Variants in SLC39A10 observed in about 807,000 individuals in gnomAD.
SLC39A10 encodes the protein solute carrier family 39 member 10, also known as zinc transporter ZIP10.
A neutral mutation model predicts 65.1 loss-of-function variants in SLC39A10; 13 were observed. The observed-to-expected ratio is 0.20, with a 90% CI of 0.13 to 0.32. SLC39A10 has a LOEUF of 0.32. SLC39A10 is among the 10% of genes least tolerant of loss of function. The pLI is 1.00. For missense variants in SLC39A10, 831 were observed against 1,018.4 expected (o/e 0.82, Z 2.50); for synonymous variants, 321 against 342.2 (o/e 0.94, Z 0.68).
chr2:195,653,120 A>G (rs1233273891), upstream of SLC39A10, among the ~76,000 whole-genome samples: 1 of 152,198 alleles, frequency 6.6e-6, no homozygotes, highest in Non-Finnish European at 1.5e-5. Flanking sequence ...GTTTCCCACA[A>G]GAGACAGTTT....
intron 1 of SLC39A10, among the ~76,000 whole-genome samples, chr2:195,662,446 A>G (rs1689444951): frequency 6.7e-6 from 1 of 149,242 alleles, no homozygotes; most frequent in Non-Finnish European, 1.5e-5. Flanking sequence ...AATGTTTTGT[A>G]TTTTTTATTG....
chr2:195,626,398 C>T (rs1235225235), intron 2 of SLC39A10, among the ~76,000 whole-genome samples: 3 of 152,190 alleles, frequency 2.0e-5, no homozygotes, highest in Admixed American at 2.0e-4. Context: ...CAGACCCTGA[C>T]AGCAATGAAT....
chr2:195,664,855 A>G (rs970441785), intron 1 of SLC39A10, among the ~76,000 whole-genome samples: 1 of 152,218 alleles, frequency 6.6e-6, no homozygotes, highest in Non-Finnish European at 1.5e-5. Flanking sequence ...ATAATAGCAC[A>G]AATTGGAATT....
At chr2:195,630,998 G>C (rs1188817754) in intron 2 of SLC39A10, among the ~76,000 whole-genome samples, 2 of 152,134 alleles carry the variant, frequency 1.3e-5, no homozygotes, top group Admixed American at 6.5e-5. Flanking sequence ...AGACCAGCCT[G>C]GCCAACAGGG....
chr2:195,726,474 G>A (rs1039745459), intron 8 of SLC39A10, among the ~76,000 whole-genome samples: 5 of 152,030 alleles, frequency 3.3e-5, no homozygotes, highest in East Asian at 1.9e-4. Context: ...GAAAATTAAC[G>A]AAACTCCAGG....
intron 1 of SLC39A10, among the ~76,000 whole-genome samples, chr2:195,662,374 T>A (rs1689442715): frequency 6.6e-6 from 1 of 151,774 alleles, no homozygotes; most frequent in Non-Finnish European, 1.5e-5. Context: ...GCTTGGGTCA[T>A]CCCCTTACCT....
In SLC39A10 at chr2:195,617,253, T is replaced by C. The variant is rs78117516; in HGVS notation, c.-12+11020T>C. Among the ~76,000 whole-genome samples the C allele has an allele frequency of 2.9e-3, 446 of 152,276 alleles. 23 individuals are homozygous for C. In the East Asian group the frequency reaches 0.081, roughly 27 times the overall value. On this transcript the variant is annotated intron_variant, in intron 2 of 2. Transcript: ENST00000458054. ...GCCCATTTGCTGTCCAAATATCTTT[T>C]TAAAAATTATTTTTTAAAAGTTAAC...
chr2:195,725,985 C>G (rs1692223236), intron 8 of SLC39A10, among the ~76,000 whole-genome samples: 1 of 152,110 alleles, frequency 6.6e-6, no homozygotes, highest in South Asian at 2.1e-4. Flanking sequence ...TGAAAAAGTT[C>G]TAGAGTTTAA....
intron 3 of SLC39A10, among the ~76,000 whole-genome samples, chr2:195,686,114 A>T (rs1690513937): frequency 6.6e-6 from 1 of 152,202 alleles, no homozygotes. Flanking sequence ...GAGCAAAATG[A>T]TGTATATGAA....
chr2:195,703,143 CT>C (rs1377418032), intron 3 of SLC39A10, among the ~76,000 whole-genome samples: 6 of 152,148 alleles, frequency 3.9e-5, no homozygotes, highest in African/African-American at 1.4e-4. Flanking sequence ...GAAATACCCC[CT>C]ATCTCATAGA....
At chr2:195,615,942 A>C (rs1688197540) in intron 2 of SLC39A10, among the ~76,000 whole-genome samples, 1 of 152,210 alleles carries the variant, frequency 6.6e-6, no homozygotes, top group African/African-American at 2.4e-5. Flanking sequence ...TAAACTACCT[A>C]AAGGCAGAGA....
At chr2:195,613,908 A>G (rs1688151819) in intron 2 of SLC39A10, among the ~76,000 whole-genome samples, 1 of 152,180 alleles carries the variant, frequency 6.6e-6, no homozygotes, top group South Asian at 2.1e-4. Flanking sequence ...CTTATTAGCA[A>G]TGTGGAGAAA....
intron 2 of SLC39A10, among the ~76,000 whole-genome samples, chr2:195,627,755 A>G (rs560819478): frequency 1.3e-4 from 20 of 152,346 alleles, no homozygotes; most frequent in African/African-American, 4.8e-4. Context: ...TTGTATACTG[A>G]ATGGCCAGGA....
At chr2:195,724,514 T>A (rs988875360) in intron 8 of SLC39A10, among the ~76,000 whole-genome samples, 3 of 152,190 alleles carry the variant, frequency 2.0e-5, no homozygotes, top group African/African-American at 4.8e-5. Context: ...AAGATAAGTA[T>A]ACAAAAATCA....
chr2:195,728,319 C>A lies in SLC39A10; in HGVS notation c.2307C>A (p.Gly769=), dbSNP rs201310685. The change falls in exon 9 of 10, where the codon GGC becomes GGA. Residue 769 remains glycine (G), a synonymous_variant. Coordinates refer to ENST00000359634, the MANE Select transcript of SLC39A10 (RefSeq NM_020342.3). The surrounding 1 kb of genome is among the most constrained non-coding windows in gnomAD (Gnocchi z 4.4). ...ITLWIFAVTA[G]MFLYVALVDM... ...TTTGGATCTTTGCAGTCACTGCAGG[C>A]ATGTTCCTCTATGTAGCCTTGGTGG... 6.2e-7 allele frequency: 1 copy of A among 1,613,916 alleles called. No homozygotes were observed. Among genetic ancestry groups the A allele is most frequent in the East Asian group, 2.2e-5 (1 of 44,876 alleles).
intron 1 of SLC39A10, chr2:195,658,571 A>G (rs935705191): frequency 1.3e-5 from 2 of 152,252 alleles, no homozygotes; most frequent in Non-Finnish European, 2.9e-5. Flanking sequence ...TAAATTGTAC[A>G]TAATTAAGAA....
chr2:195,618,820 C>A (rs567328246), intron 2 of SLC39A10, among the ~76,000 whole-genome samples: 1 of 151,926 alleles, frequency 6.6e-6, no homozygotes, highest in Non-Finnish European at 1.5e-5. Flanking sequence ...AGGTCAGGTG[C>A]GGTGGCTCAC....
At chr2:195,702,331 T>C (rs745411730) in intron 3 of SLC39A10, among the ~76,000 whole-genome samples, 3 of 152,158 alleles carry the variant, frequency 2.0e-5, no homozygotes, top group Non-Finnish European at 1.5e-5. Flanking sequence ...GTCCTGTAGA[T>C]TGAATTCAGG....
upstream of SLC39A10, among the ~76,000 whole-genome samples, chr2:195,654,970 A>G (rs1689116414): frequency 6.6e-6 from 1 of 152,206 alleles, no homozygotes; most frequent in Admixed American, 6.5e-5. Context: ...TTGAAAGTAA[A>G]TAAATGTTTG....
Sources: allele counts gnomAD v4.1 joint callset (sites outside exome capture counted in the v4.1 genomes callset), GRCh38; gene constraint gnomAD v4.1.1; non-coding constraint Gnocchi (gnomAD v3.1); transcripts MANE v1.5; gene names NCBI Gene and HGNC (gene_info 2026-07-23, HGNC 2026-07-21).